PHLDB1: variants seen among roughly 807,000 people sequenced by gnomAD.
PHLDB1 encodes pleckstrin homology like domain family B member 1.
PHLDB1 carries 65 observed loss-of-function variants against 139.3 expected under a neutral mutation model. That is an observed-to-expected ratio of 0.47 (90% confidence interval 0.38 to 0.57). The LOEUF is 0.57. Among genes scored for constraint, PHLDB1 ranks in the 20% least tolerant of loss-of-function variants. The pLI, the probability that PHLDB1 is intolerant of heterozygous loss-of-function variation, is 0.00. For synonymous variants in PHLDB1, 679 were observed against 734.5 expected (o/e 0.92, Z 1.22); for missense variants, 1,624 against 1,839.7 (o/e 0.88, Z 2.14).
At position 118,648,006 on chromosome 11, in the gene PHLDB1, A is replaced by G; in HGVS notation, c.3584A>G (p.Gln1195Arg). Residue 1195 changes from glutamine (Q) to arginine (R), a missense_variant, in exon 18 of 23, where the codon CAG (glutamine) becomes CGG (arginine). Transcript: ENST00000600882. The stretch of plus-strand genomic sequence containing the variant: ...CGTGAGCAGGTAGAACGGAGGCTGC[A>G]GAGTGAGAGTGCCCGGAGGCAGCAG... The part of the protein sequence containing the change: ...RRREQVERRL[Q>R]SESARRQQLV... The G allele has an allele frequency of 1.2e-6, 2 of 1,611,530 alleles. No individual in the cohort carries two copies. Among genetic ancestry groups the G allele is most frequent in the Non-Finnish European group, 1.7e-6 (2 of 1,178,786 alleles).
In PHLDB1 at chr11:118,628,406, C is replaced by T. The variant is rs1555106297; in HGVS notation, c.1583C>T (p.Ala528Val). Residue 528 changes from alanine to valine, a missense_variant, in exon 6 of 23, where the codon GCA becomes GTA. Ala to Val is a moderately conservative substitution (Grantham distance 64). Coordinates refer to ENST00000600882, the MANE Select transcript of PHLDB1 (RefSeq NM_001144758.3). ...TCACCCACACTGGGTGAGTCTCTGG[C>T]ACCCCACAAGGGCAGCTTCAGTGGC... is the stretch of plus-strand genomic sequence containing the variant. ...SPSPTLGESL[A>V]PHKGSFSGRL... 1 of 1,610,664 alleles carries T rather than the reference C, an allele frequency of 6.2e-7. No homozygotes were observed. The highest frequency in any genetic ancestry group is 1.7e-5 in the Admixed American group (1 of 59,338).
At chr11:118,643,698 C>G in intron 13 of PHLDB1, 102 bp from the exon 14 acceptor site, 1 of 1,592,486 alleles carries the variant, frequency 6.3e-7, no homozygotes, top group South Asian at 1.1e-5. Context: ...CCTCAGAGGC[C>G]TAGTGCCAGG....
At position 118,628,194 on chromosome 11, in the gene PHLDB1, AC is replaced by A. The variant is rs1944195830; in HGVS notation, c.1377del (p.Leu460Ter). ...RRGLDSMRELPPLSPSLSRRA... is the reference protein window; with the variant it reads ...RRGLDSMRELXPLSPSLSRRA... ...GGGGCCTGGACAGTATGCGAGAACT[AC>A]CCCCCTTAAGTCCATCTCTGTCCCG... On this transcript the variant is annotated frameshift_variant, in exon 6 of 23. Coordinates refer to ENST00000600882, the MANE Select transcript of PHLDB1 (RefSeq NM_001144758.3). LOFTEE classifies it high-confidence loss of function. 6.2e-7 allele frequency: 1 copy of A among 1,613,016 alleles called. No individual in the cohort carries two copies. The highest frequency in any genetic ancestry group is 8.5e-7 in the Non-Finnish European group (1 of 1,179,704).
intron 7 of PHLDB1, 56 bp from the exon 8 acceptor site, chr11:118,631,857 A>G (rs1052115388): frequency 1.3e-6 from 2 of 1,534,318 alleles, no homozygotes; most frequent in Admixed American, 2.1e-5. Flanking sequence ...CCATTTTCTT[A>G]GTCTGATTCC....
At chr11:118,639,116 C>A (rs1387109178) in intron 11 of PHLDB1, 46 bp from the exon 12 acceptor site, 6 of 1,589,296 alleles carry the variant, frequency 3.8e-6, no homozygotes, top group Non-Finnish European at 5.2e-6. Context: ...CTCACACAGT[C>A]TCCTGGCTCC....
chr11:118,626,070 A>T (rs1192357818), intron 5 of PHLDB1, among the ~76,000 whole-genome samples: 2 of 152,128 alleles, frequency 1.3e-5, no homozygotes, highest in Non-Finnish European at 2.9e-5. Context: ...TGGCAAAAGC[A>T]GGCTCTTGCT....
intron 9 of PHLDB1, 192 bp from the exon 10 acceptor site, chr11:118,635,201 G>C (rs1445321724): frequency 1.5e-6 from 1 of 670,484 alleles, no homozygotes; most frequent in Non-Finnish European, 2.6e-6. Flanking sequence ...GGAAGGTTGG[G>C]GAATCAGCGC....
chr11:118,656,640 A>G (rs1275197574), intron 22 of PHLDB1, 43 bp from the exon 23 acceptor site: 29 of 1,594,752 alleles, frequency 1.8e-5, no homozygotes, highest in Middle Eastern at 1.8e-4. Context: ...ATTCCTGGGC[A>G]TGGGTGAGCC....
chr11:118,642,261 A>G lies in PHLDB1; in HGVS notation c.2744A>G (p.Lys915Arg). The change falls in exon 13 of 23, where the codon AAG becomes AGG. Residue 915 changes from lysine (K) to arginine (R), a missense_variant. By Grantham distance (26) the Lys-to-Arg change is conservative. Transcript: ENST00000600882. ...KTTSTLKEMEKLLLPAVDLEQ... is the reference protein window; with the variant it reads ...KTTSTLKEMERLLLPAVDLEQ... ...CCCCATTCCCACCTCCAGATGGAGA[A>G]GCTGCTGCTCCCTGCTGTAGACTTA... The G allele has an allele frequency of 6.2e-7, 1 of 1,612,492 alleles. No homozygotes were observed.
chr11:118,645,668 G>GC lies in PHLDB1; in HGVS notation c.3416+21dup, dbSNP rs540820849. On this transcript the variant is annotated intron_variant, in intron 16 of 22. Transcript: ENST00000600882. The surrounding 1 kb of genome is among the most constrained non-coding windows in gnomAD (Gnocchi z 5.1). ...ATGTCCAGGTACACCCGACGCCTGG[G>GC]CCCGCAGCCTCCCTCAGCCACCGCC... is the stretch of plus-strand genomic sequence containing the variant. 2.7e-5 allele frequency: 43 copies of GC among 1,613,444 alleles called. No individual in the cohort carries two copies. In the Admixed American group the frequency reaches 5.2e-4, roughly 19 times the overall value.
At position 118,620,509 on chromosome 11, in the gene PHLDB1, A is replaced by T. The variant is rs1555093794; in HGVS notation, c.355+4298A>T. Among the ~76,000 whole-genome samples, 1 of 151,854 alleles carries T rather than the reference A, an allele frequency of 6.6e-6. No individual in the cohort carries two copies. Among genetic ancestry groups the T allele is most frequent in the Non-Finnish European group, 1.5e-5 (1 of 68,024 alleles). On this transcript the variant is annotated intron_variant, in intron 4 of 22. Transcript: ENST00000600882. The surrounding 1 kb of genome is among the most constrained non-coding windows in gnomAD (Gnocchi z 4.1). Reference sequence around the variant, plus strand: ...CTCCATCTCAAAAAAACAGAACAAAACAAAACAAAACACCTGCCTGACTCA... The same window carrying T: ...CTCCATCTCAAAAAAACAGAACAAATCAAAACAAAACACCTGCCTGACTCA...
Position 118,627,633 on chromosome 11 carries a change from C to T in PHLDB1, c.810C>T (p.His270=). 1 of 1,612,760 alleles carries T rather than the reference C, an allele frequency of 6.2e-7. No individual in the cohort carries two copies. Among genetic ancestry groups the T allele is most frequent in the Admixed American group, 1.7e-5 (1 of 60,030 alleles). ...CCAGCAGTGGAAGCTGTGCCAGTCA[C>T]TCACCCAGTGGGCAAGAGCCAGGAC... ...SPASSGSCAS[H]SPSGQEPGPS... Residue 270 remains histidine (H), a synonymous_variant, in exon 6 of 23, where the codon CAC becomes CAT. Coordinates refer to ENST00000600882, the MANE Select transcript of PHLDB1 (RefSeq NM_001144758.3).
chr11:118,623,455 C>G (rs1943210859), intron 4 of PHLDB1, among the ~76,000 whole-genome samples: 1 of 152,218 alleles, frequency 6.6e-6, no homozygotes. Context: ...CCCACATGCC[C>G]TCCCCCTCCA....
intron 13 of PHLDB1, chr11:118,643,568 G>C: frequency 1.0e-6 from 1 of 985,378 alleles, no homozygotes; most frequent in Non-Finnish European, 1.2e-6. Context: ...TCTTTTCTTA[G>C]ACCCAGGGTT....
At position 118,616,044 on chromosome 11, in the gene PHLDB1, G is replaced by A. The variant is rs1555088920; in HGVS notation, c.188G>A (p.Arg63Lys). The change falls in exon 4 of 23, where the codon AGG becomes AAG. Residue 63 changes from arginine (R) to lysine (K), a missense_variant. Physicochemically the swap from Arg to Lys is conservative, Grantham distance 26. Transcript: ENST00000600882. ...TCAGTTTGCCTCTTGTCTCCAGGGA[G>A]GACGGTGATTGGCTCTGCAGCCAGA... is the stretch of plus-strand genomic sequence containing the variant. ...AITLLPLEEG[R>K]TVIGSAARDI... is the part of the protein sequence containing the mutation. The A allele has an allele frequency of 6.2e-7, 1 of 1,612,454 alleles. No homozygotes were observed. The highest frequency in any genetic ancestry group is 2.2e-5 in the East Asian group (1 of 44,854).
At position 118,645,935 on chromosome 11, in the gene PHLDB1, C is replaced by A; in HGVS notation, c.3507+110C>A. The A allele has an allele frequency of 2.6e-6, 2 of 774,104 alleles. No individual in the cohort carries two copies. Among genetic ancestry groups the A allele is most frequent in the Admixed American group, 1.9e-5 (1 of 53,798 alleles). 48.0% of individuals were successfully genotyped at this position (774,104 alleles called of 1,614,324 possible). A position where few individuals can be genotyped will look rare whatever the true frequency, so the allele number is the denominator to read the frequency against. On this transcript the variant is annotated intron_variant, in intron 17 of 22. Transcript: ENST00000600882. This position sits in a 1 kb window ranked among gnomAD's most constrained non-coding sequence, Gnocchi z 5.1. ...AGCCCTTCCACCCACATTAGCCTTG[C>A]CACATTCCCTTGGGGTAGAAAATGT...
chr11:118,645,440 C>T lies in PHLDB1; in HGVS notation c.3206C>T (p.Ala1069Val). ...GCTGAGGCACAGTGCCAGTGGGATGCCCTTCACGGGGCAGCACCCTTCCCA... is the reference window on the plus strand; with the variant it reads ...GCTGAGGCACAGTGCCAGTGGGATGTCCTTCACGGGGCAGCACCCTTCCCA... ...AAAEAQCQWD[A>V]LHGAAPFPAG... is the part of the protein sequence containing the mutation. Residue 1069 changes from alanine to valine, a missense_variant, in exon 16 of 23, where the codon GCC becomes GTC. By Grantham distance (64) the Ala-to-Val change is moderately conservative (BLOSUM62 0). Transcript: ENST00000600882. The surrounding 1 kb of genome is among the most constrained non-coding windows in gnomAD (Gnocchi z 5.1). The T allele has an allele frequency of 6.3e-7, 1 of 1,584,752 alleles. No homozygotes were observed. The highest frequency in any genetic ancestry group is 8.6e-7 in the Non-Finnish European group (1 of 1,166,602).
In PHLDB1 at chr11:118,631,987, G is replaced by A. The variant is rs1230275966; in HGVS notation, c.2175G>A (p.Gly725=). The change falls in exon 8 of 23, where the codon GGG becomes GGA. Residue 725 remains glycine (G), a synonymous_variant. Coordinates refer to ENST00000600882, the MANE Select transcript of PHLDB1 (RefSeq NM_001144758.3). The stretch of plus-strand genomic sequence containing the variant: ...AAGAAGAGCGGGCTCAGGTGCTGGG[G>A]CACGTGGAGCAGCTCAAGGTCCGTG... The part of the protein sequence containing the change: ...ALEEERAQVL[G]HVEQLKVRVK... 13 of 1,614,008 alleles carry A rather than the reference G, an allele frequency of 8.1e-6. No individual in the cohort carries two copies. The highest frequency in any genetic ancestry group is 1.1e-5 in the Non-Finnish European group (13 of 1,179,992).
rs782376807 is a variant in PHLDB1 at position 118,610,587 on chromosome 11, C to G, written c.-22+2888C>G. 2.3e-4 allele frequency: 129 copies of G among 572,342 alleles called. No homozygotes were observed. The highest frequency in any genetic ancestry group is 2.7e-4 in the Non-Finnish European group (123 of 452,204). The allele number at this position is 572,342 out of a possible 1,614,324, so 35.5% of individuals were successfully genotyped here. A position where few individuals can be genotyped will look rare whatever the true frequency, so the allele number is the denominator to read the frequency against. On this transcript the variant is annotated intron_variant, in intron 1 of 22. Coordinates refer to ENST00000600882, the MANE Select transcript of PHLDB1 (RefSeq NM_001144758.3). The surrounding 1 kb of genome is among the most constrained non-coding windows in gnomAD (Gnocchi z 8.7). ...CCCGAGCAGTGGCCCCGCGAAGGGC[C>G]GGGTCTGGTGCTCTGGGGCTGGCTT...
Sources: allele counts gnomAD v4.1 joint callset (sites outside exome capture counted in the v4.1 genomes callset), GRCh38; gene constraint gnomAD v4.1.1; non-coding constraint Gnocchi (gnomAD v3.1); transcripts MANE v1.5; gene names NCBI Gene and HGNC (gene_info 2026-07-23, HGNC 2026-07-21).